Variants in NCKAP5 observed in about 807,000 individuals in gnomAD.
The protein encoded by NCKAP5 is NCK associated protein 5.
NCKAP5 carries 92 observed loss-of-function variants against 167.0 expected under a neutral mutation model. The observed-to-expected ratio is 0.55, with a 90% CI of 0.47 to 0.66. The LOEUF (loss-of-function observed/expected upper bound fraction) is 0.66, where lower values mean the gene tolerates loss of function less well. Ranked by LOEUF, NCKAP5 falls within the 30% of genes least tolerant of loss-of-function variation. The pLI is 0.00. For missense variants in NCKAP5, 2,378 were observed against 2,315.0 expected (o/e 1.03, Z -0.56); for synonymous variants, 891 against 877.4 (o/e 1.02, Z -0.27).
At chr2:132,726,691 G>A (rs1005505026) in intron 18 of NCKAP5, among the ~76,000 whole-genome samples, 4 of 152,146 alleles carry the variant, frequency 2.6e-5, no homozygotes, top group East Asian at 1.9e-4. Flanking sequence ...ATGTAAACTC[G>A]CTTATCTGGG....
intron 12 of NCKAP5, among the ~76,000 whole-genome samples, chr2:132,793,103 A>G (rs1359929665): frequency 1.3e-5 from 2 of 152,166 alleles, no homozygotes; most frequent in African/African-American, 4.8e-5. Flanking sequence ...CTTGCCTCCC[A>G]GGTTCAAGTG....
In NCKAP5 at chr2:132,962,016, G is replaced by A. The variant is rs76379766; in HGVS notation, c.579+1704C>T. Among the ~76,000 whole-genome samples, 3 of 152,254 alleles carry A rather than the reference G, an allele frequency of 2.0e-5. No individual in the cohort carries two copies. In the South Asian group the frequency reaches 6.2e-4, roughly 32 times the overall value. On this transcript the variant is annotated intron_variant, in intron 8 of 19. Coordinates refer to ENST00000409261, the MANE Select transcript of NCKAP5 (RefSeq NM_207363.3). ...ACGAAAGAATGAGAACCCTTGGGGA[G>A]ACAAGGGTGATTCCTAGCTCTTTGC...
chr2:133,575,970 C>A, the NCKAP5 span, among the ~76,000 whole-genome samples: 1 of 152,232 alleles, frequency 6.6e-6, no homozygotes, highest in Admixed American at 6.5e-5. Flanking sequence ...AGACCTTCTT[C>A]TATGCCTCAG....
At chr2:133,481,341 G>C (rs1455090532) in intron 3 of NCKAP5, among the ~76,000 whole-genome samples, 1 of 152,094 alleles carries the variant, frequency 6.6e-6, no homozygotes, top group Admixed American at 6.5e-5. Context: ...TTTTAAATTT[G>C]TGCAAATCTA....
rs372499279 is a variant in NCKAP5 at position 132,803,129 on chromosome 2, T to C, written c.808-6400A>G. ...TTATTTCCATTTTGGGCTACAAAGA[T>C]AAAACATAATATCTGCATTCAGCCT... On this transcript the variant is annotated intron_variant, in intron 11 of 19. Transcript: ENST00000409261. Among the ~76,000 whole-genome samples the C allele has an allele frequency of 4.6e-5, 7 of 152,326 alleles. No homozygotes were observed. The East Asian group carries it at 1.4e-3, about 29-fold the overall frequency.
chr2:132,869,874 A>G (rs17398204), intron 9 of NCKAP5, among the ~76,000 whole-genome samples: 2,992 of 152,284 alleles, frequency 0.02, 52 homozygotes, highest in Non-Finnish European at 0.031. Context: ...TGTCTATTGA[A>G]TATCTATGTG....
the NCKAP5 span, among the ~76,000 whole-genome samples, chr2:133,594,209 A>T: frequency 6.6e-6 from 1 of 152,180 alleles, no homozygotes; most frequent in Non-Finnish European, 1.5e-5. Context: ...GGATGGCTTG[A>T]TGGTTAGGTG....
intron 3 of NCKAP5, among the ~76,000 whole-genome samples, chr2:133,470,491 G>A (rs918964461): frequency 5.3e-5 from 8 of 152,350 alleles, no homozygotes; most frequent in Non-Finnish European, 8.8e-5. Flanking sequence ...CCCCAGAGGT[G>A]GAGCCTACAG....
At chr2:133,263,192 C>A (rs983362580) in intron 4 of NCKAP5, among the ~76,000 whole-genome samples, 19 of 150,900 alleles carry the variant, frequency 1.3e-4, no homozygotes, top group Non-Finnish European at 1.5e-4. Context: ...TAGGTTAGCT[C>A]TAAACTAAAA....
intron 5 of NCKAP5, among the ~76,000 whole-genome samples, chr2:133,178,258 G>T (rs2084556164): frequency 6.6e-6 from 1 of 152,178 alleles, no homozygotes; most frequent in South Asian, 2.1e-4. Flanking sequence ...CAGCACTTTG[G>T]GAGGCCGAGC....
chr2:132,684,982 G>C, intron 19 of NCKAP5, among the ~76,000 whole-genome samples: 1 of 152,186 alleles, frequency 6.6e-6, no homozygotes, highest in African/African-American at 2.4e-5. Context: ...GGACTGCCTT[G>C]ACCCCTGTGA....
intron 4 of NCKAP5, among the ~76,000 whole-genome samples, chr2:133,220,156 T>G (rs2150200118): frequency 6.6e-6 from 1 of 152,382 alleles, no homozygotes; most frequent in East Asian, 1.9e-4. Flanking sequence ...TCAGTTCATC[T>G]GCTGGAAACA....
At chr2:133,526,502 G>T (rs907780573) in intron 2 of NCKAP5, among the ~76,000 whole-genome samples, 10 of 152,158 alleles carry the variant, frequency 6.6e-5, no homozygotes, top group Non-Finnish European at 1.5e-4. Flanking sequence ...AACCCTGGAG[G>T]ACTTGCCTTT....
intron 5 of NCKAP5, among the ~76,000 whole-genome samples, chr2:133,133,784 C>A (rs187860602): frequency 5.1e-4 from 77 of 152,276 alleles, no homozygotes; most frequent in African/African-American, 1.8e-3. Flanking sequence ...AACAATTCAG[C>A]AATAGTGGTT....
At chr2:132,818,079 T>C (rs557742542) in intron 11 of NCKAP5, among the ~76,000 whole-genome samples, 2 of 152,266 alleles carry the variant, frequency 1.3e-5, no homozygotes, top group Non-Finnish European at 2.9e-5. Flanking sequence ...TTCTGAGTAG[T>C]TGGGACTACA....
chr2:133,517,717 G>A, intron 2 of NCKAP5, 130 bp from the exon 3 acceptor site: 1 of 378,612 alleles, frequency 2.6e-6, no homozygotes, highest in Non-Finnish European at 4.7e-6. Flanking sequence ...ATAGAACTAG[G>A]CTCTCTCTAC....
At chr2:133,503,967 T>G (rs1215504478) in intron 3 of NCKAP5, among the ~76,000 whole-genome samples, 2 of 151,986 alleles carry the variant, frequency 1.3e-5, no homozygotes, top group Non-Finnish European at 2.9e-5. Flanking sequence ...GAATAGAAAC[T>G]CCCTCTGGGC....
In NCKAP5 at chr2:133,453,531, C is replaced by CA. The variant is rs535598462; in HGVS notation, c.69+63926dup. Among the ~76,000 whole-genome samples, 14 of 150,190 alleles carry CA rather than the reference C, an allele frequency of 9.3e-5. No individual in the cohort carries two copies. The South Asian group carries it at 1.3e-3, about 13-fold the overall frequency. ...TTCACTGCATTTCTATTTATAATGG[C>CA]AAAAAAAAGGAAAGAGAAAGAAACA... On this transcript the variant is annotated intron_variant, in intron 3 of 19. Transcript: ENST00000409261.
At chr2:132,771,716 A>G (rs1256678819) in intron 16 of NCKAP5, among the ~76,000 whole-genome samples, 1 of 150,888 alleles carries the variant, frequency 6.6e-6, no homozygotes. Context: ...TCTGTCACCC[A>G]GGCTAGAGTG....
Sources: allele counts gnomAD v4.1 joint callset (sites outside exome capture counted in the v4.1 genomes callset), GRCh38; gene constraint gnomAD v4.1.1; transcripts MANE v1.5; gene names NCBI Gene and HGNC (gene_info 2026-07-23, HGNC 2026-07-21).